NCALD: variants seen among roughly 807,000 people sequenced by gnomAD.
NCALD encodes the protein neurocalcin-delta.
A neutral mutation model predicts 18.6 loss-of-function variants in NCALD; 10 were observed. The observed-to-expected ratio is 0.54, with a 90% confidence interval of 0.33 to 0.91. NCALD has a LOEUF of 0.91. NCALD is among the 40% of genes least tolerant of loss of function. The probability of loss-of-function intolerance (pLI) is 0.03; values close to 1 mark genes in which losing one functional copy is unlikely to be tolerated. For synonymous variants in NCALD, 88 were observed against 87.4 expected, an observed-to-expected ratio of 1.01 and a Z score of -0.04; for missense variants, 184 against 247.6, an observed-to-expected ratio of 0.74 and a Z score of 1.72.
rs1811305543 is a variant in NCALD, at chr8:101,765,411, C to G, written c.-20+25451G>C. Reference sequence around the variant, plus strand: ...TCACTATCCTTGGCAATGAGAACTACTGGGGTCTCCGGCTATTGTCAAACC... The same window carrying G: ...TCACTATCCTTGGCAATGAGAACTAGTGGGGTCTCCGGCTATTGTCAAACC... On this transcript the variant is annotated intron_variant, in intron 1 of 3. Transcript: ENST00000220931. Among the ~76,000 whole-genome samples the G allele has an allele frequency of 2.6e-5, 4 of 152,196 alleles. No homozygotes were observed. In the South Asian group the frequency reaches 8.3e-4, roughly 32 times the overall value.
chr8:101,914,051 T>C (rs1408449457), intron 3 of NCALD, among the ~76,000 whole-genome samples: 1 of 152,242 alleles, frequency 6.6e-6, no homozygotes, highest in Non-Finnish European at 1.5e-5. Context: ...GTTGATACAT[T>C]ATTGTGAACT....
At chr8:102,062,953 T>A (rs1823894105) in intron 1 of NCALD, among the ~76,000 whole-genome samples, 1 of 152,108 alleles carries the variant, frequency 6.6e-6, no homozygotes, top group Non-Finnish European at 1.5e-5. Flanking sequence ...TTGAATAAGG[T>A]ACTTTCCTTT....
intron 1 of NCALD, among the ~76,000 whole-genome samples, chr8:102,077,954 C>T (rs1251951336): frequency 2.0e-5 from 3 of 152,164 alleles, no homozygotes; most frequent in Admixed American, 2.0e-4. Context: ...AGCTAATCTC[C>T]AGTCCTGACC....
At chr8:101,823,088 C>G (rs1412581086) in intron 4 of NCALD, among the ~76,000 whole-genome samples, 1 of 151,190 alleles carries the variant, frequency 6.6e-6, no homozygotes, top group East Asian at 2.0e-4. Flanking sequence ...AAAATATCCT[C>G]TAATACTTTG....
chr8:101,717,380 T>C (rs1816135444), intron 2 of NCALD, among the ~76,000 whole-genome samples: 1 of 152,234 alleles, frequency 6.6e-6, no homozygotes, highest in African/African-American at 2.4e-5. Context: ...GTCTTCACCC[T>C]GACCAGTTAC....
intron 4 of NCALD, among the ~76,000 whole-genome samples, chr8:101,876,220 A>T (rs1452133850): frequency 6.6e-6 from 1 of 152,238 alleles, no homozygotes; most frequent in Non-Finnish European, 1.5e-5. Context: ...GTCCACCCAG[A>T]TCAAATTTTC....
chr8:101,708,002 C>G (rs996336763), intron 2 of NCALD, among the ~76,000 whole-genome samples: 1 of 152,300 alleles, frequency 6.6e-6, no homozygotes, highest in East Asian at 1.9e-4. Flanking sequence ...ATTCTAACCT[C>G]GTCTTTAAAG....
chr8:101,974,766 T>C (rs1820362150), intron 2 of NCALD, among the ~76,000 whole-genome samples: 1 of 152,202 alleles, frequency 6.6e-6, no homozygotes, highest in Non-Finnish European at 1.5e-5. Flanking sequence ...ACTGCTATTC[T>C]AGAAATTATA....
At chr8:101,712,675 A>G (rs569487706) in intron 2 of NCALD, among the ~76,000 whole-genome samples, 2 of 152,246 alleles carry the variant, frequency 1.3e-5, no homozygotes, top group South Asian at 4.2e-4. Context: ...ATCAAAAAAG[A>G]CAAAGAAGGG....
At chr8:101,947,915 A>T (rs1459402729) in intron 2 of NCALD, among the ~76,000 whole-genome samples, 1 of 152,216 alleles carries the variant, frequency 6.6e-6, no homozygotes, top group Non-Finnish European at 1.5e-5. Context: ...AGGTGCATAG[A>T]GATTCTGAAA....
At chr8:101,979,884 T>C (rs1820553480) in intron 2 of NCALD, among the ~76,000 whole-genome samples, 1 of 152,192 alleles carries the variant, frequency 6.6e-6, no homozygotes, top group African/African-American at 2.4e-5. Flanking sequence ...GAGACCCTGT[T>C]AGCTTCAAGG....
rs113077941 is a variant in NCALD, at chr8:101,799,349, A to T, written c.-19-79701T>A. On this transcript the variant is annotated intron_variant, in intron 4 of 6. Coordinates refer to the NCALD transcript ENST00000311028. ...CTGGTGGGAATGTAAACTAATAAAG[A>T]TACTATGAAAAACAATTTGCCAGTT... 7.2e-3 allele frequency among the ~76,000 whole-genome samples: 1,096 copies of T among 152,314 alleles called. 13 individuals carry two copies. The highest frequency in any genetic ancestry group is 0.024 in the African/African-American group (982 of 41,556).
chr8:101,764,208 T>C (rs940721952), intron 1 of NCALD, among the ~76,000 whole-genome samples: 7 of 152,122 alleles, frequency 4.6e-5, no homozygotes, highest in South Asian at 2.1e-4. Context: ...GATGTGCTCA[T>C]TGAGGGAATC....
chr8:102,061,415 A>C (rs185504010), intron 1 of NCALD, among the ~76,000 whole-genome samples: 20 of 152,318 alleles, frequency 1.3e-4, no homozygotes, highest in Non-Finnish European at 2.5e-4. Context: ...TCCAAATTTC[A>C]CTGCATTCCA....
intron 1 of NCALD, among the ~76,000 whole-genome samples, chr8:102,114,281 G>A (rs765627425): frequency 6.6e-6 from 1 of 152,318 alleles, no homozygotes; most frequent in Non-Finnish European, 1.5e-5. Context: ...GCAGAGTCAC[G>A]TGTTATCACA....
intron 4 of NCALD, among the ~76,000 whole-genome samples, chr8:101,824,853 C>T (rs1813867586): frequency 6.6e-6 from 1 of 152,116 alleles, no homozygotes; most frequent in Non-Finnish European, 1.5e-5. Context: ...CAAACAGAGG[C>T]CATCATTCAT....
chr8:102,004,320 A>G (rs1464630217), intron 2 of NCALD, among the ~76,000 whole-genome samples: 2 of 152,198 alleles, frequency 1.3e-5, no homozygotes, highest in Non-Finnish European at 2.9e-5. Context: ...TCCAACTTAC[A>G]AGGGATGTGA....
chr8:101,796,539 G>A (rs2131049687), intron 4 of NCALD, among the ~76,000 whole-genome samples: 1 of 152,100 alleles, frequency 6.6e-6, no homozygotes, highest in East Asian at 1.9e-4. Flanking sequence ...ACAATGGAAG[G>A]TAAAAGTACA....
At chr8:102,038,436 A>G (rs7014685) in intron 1 of NCALD, among the ~76,000 whole-genome samples, 47,416 of 151,958 alleles carry the variant, frequency 0.31, 7,960 homozygotes, top group African/African-American at 0.41. Context: ...AACACAGCGA[A>G]CCTGTAAGCC....
Sources: allele counts gnomAD v4.1 joint callset (sites outside exome capture counted in the v4.1 genomes callset), GRCh38; gene constraint gnomAD v4.1.1; transcripts MANE v1.5; gene names NCBI Gene and HGNC (gene_info 2026-07-23, HGNC 2026-07-21).